The following FAM220A variants were observed in gnomAD, a reference collection of about 807,000 sequenced individuals.
FAM220A encodes the protein family with sequence similarity 220 member A.
For missense variants in FAM220A, 392 were observed against 321.6 expected (o/e 1.22, Z -1.68); for synonymous variants, 141 against 130.7 (o/e 1.08, Z -0.54).
In FAM220A at chr7:6,348,899, A is replaced by C. The variant is rs963514637; in HGVS notation, c.-408T>G. On this transcript the variant is annotated 5_prime_UTR_variant, in exon 1 of 2. Coordinates refer to ENST00000313324, the MANE Select transcript of FAM220A (RefSeq NM_001037163.2). ...GGGCGGGCGGGCCGCAGTGGAGCGGAGTCCGCACGTCACGCTCGGAGAAGT... is the reference window on the plus strand; with the variant it reads ...GGGCGGGCGGGCCGCAGTGGAGCGGCGTCCGCACGTCACGCTCGGAGAAGT... The C allele has an allele frequency of 1.4e-4, 53 of 385,818 alleles. No homozygotes were observed. The highest frequency in any genetic ancestry group is 2.1e-4 in the Non-Finnish European group (45 of 219,322). 23.9% of individuals were successfully genotyped at this position (385,818 alleles called of 1,614,324 possible). A position where few individuals can be genotyped will look rare whatever the true frequency, so the allele number is the denominator to read the frequency against.
chr7:6,334,512 G>C (rs1781707463), intron 1 of FAM220A, among the ~76,000 whole-genome samples: 2 of 152,084 alleles, frequency 1.3e-5, no homozygotes, highest in Non-Finnish European at 2.9e-5. Context: ...CTGTCACCCA[G>C]ACTGAAGTGC....
At chr7:6,339,162 TG>T (rs1781802218) in intron 1 of FAM220A, among the ~76,000 whole-genome samples, 1 of 152,134 alleles carries the variant, frequency 6.6e-6, no homozygotes, top group Admixed American at 6.6e-5. Context: ...ACTCGCCACT[TG>T]GCACGTCTAA....
rs568322706 is a variant in FAM220A at position 6,337,729 on chromosome 7, T to C, written c.-81-6494A>G. On this transcript the variant is annotated intron_variant, in intron 1 of 1. Coordinates refer to ENST00000313324, the MANE Select transcript of FAM220A (RefSeq NM_001037163.2). Reference sequence around the variant, plus strand: ...TGATAGAATAAATTGTCCCCTGAAGTTCTTCTAGTACTTTAGTATTCAGTA... The same window carrying C: ...TGATAGAATAAATTGTCCCCTGAAGCTCTTCTAGTACTTTAGTATTCAGTA... Among the ~76,000 whole-genome samples the C allele has an allele frequency of 1.3e-3, 192 of 151,860 alleles. 7 individuals are homozygous for C. The highest frequency in any genetic ancestry group is 4.4e-3 in the African/African-American group (182 of 41,198).
intron 1 of FAM220A, among the ~76,000 whole-genome samples, chr7:6,345,851 C>T (rs752340913): frequency 1.1e-4 from 17 of 151,854 alleles, no homozygotes; most frequent in Non-Finnish European, 2.1e-4. Flanking sequence ...TCACTGCAAC[C>T]TCCATCTCCT....
At chr7:6,342,872 A>C (rs1357850360) in intron 1 of FAM220A, among the ~76,000 whole-genome samples, 2 of 151,636 alleles carry the variant, frequency 1.3e-5, no homozygotes, top group Non-Finnish European at 2.9e-5. Flanking sequence ...CCCCATCTAG[A>C]AACAAAATGA....
At chr7:6,346,459 C>G (rs1361767595) in intron 1 of FAM220A, among the ~76,000 whole-genome samples, 1 of 152,076 alleles carries the variant, frequency 6.6e-6, no homozygotes, top group Non-Finnish European at 1.5e-5. Flanking sequence ...GTCTGCCTCC[C>G]AGGCTCAAGC....
chr7:6,331,511 C>T (rs1040510949), intron 1 of FAM220A, among the ~76,000 whole-genome samples: 3 of 151,820 alleles, frequency 2.0e-5, no homozygotes, highest in East Asian at 2.0e-4. Context: ...CTGTCGCCCA[C>T]GCTGGGCGAC....
In FAM220A at chr7:6,329,626, T is replaced by A. The variant is rs1013595290; in HGVS notation, c.*749A>T. On this transcript the variant is annotated 3_prime_UTR_variant, in exon 2 of 2. Coordinates refer to ENST00000313324, the MANE Select transcript of FAM220A (RefSeq NM_001037163.2). ...AGTTATCAACAGACGACAACAGGAGTCACCTTGAAAAATTTTAGGGTACAG... is the reference window on the plus strand; with the variant it reads ...AGTTATCAACAGACGACAACAGGAGACACCTTGAAAAATTTTAGGGTACAG... 2 of 161,250 alleles carry A rather than the reference T, an allele frequency of 1.2e-5. No individual in the cohort carries two copies. The highest frequency in any genetic ancestry group is 4.8e-5 in the African/African-American group (2 of 41,392). 10.0% of individuals were successfully genotyped at this position (161,250 alleles called of 1,614,324 possible). A position where few individuals can be genotyped will look rare whatever the true frequency, so the allele number is the denominator to read the frequency against.
chr7:6,336,189 T>A (rs948849898), intron 1 of FAM220A, among the ~76,000 whole-genome samples: 4 of 122,754 alleles, frequency 3.3e-5, no homozygotes, highest in East Asian at 2.3e-4. Flanking sequence ...AAAAAAAAAA[T>A]TAAAAGATTA....
rs114340847 is a variant in FAM220A, at chr7:6,332,507, G to A, written c.-81-1272C>T. Among the ~76,000 whole-genome samples the A allele has an allele frequency of 2.0e-3, 300 of 152,200 alleles. 1 individual carries two copies. Among genetic ancestry groups the A allele is most frequent in the African/African-American group, 6.7e-3 (280 of 41,532 alleles). ...GTTAAATGTAATTTTGACACATGAT[G>A]TGTTCACTTAAAAAACACCACCACC... is the stretch of plus-strand genomic sequence containing the variant. On this transcript the variant is annotated intron_variant, in intron 1 of 1. Transcript: ENST00000313324.
Position 6,330,310 on chromosome 7 carries a change from A to T in FAM220A, c.*65T>A, listed in dbSNP as rs1781602356. 6.8e-7 allele frequency: 1 copy of T among 1,468,192 alleles called. No homozygotes were observed. The highest frequency in any genetic ancestry group is 1.3e-5 in the South Asian group (1 of 75,826). 90.9% of individuals were successfully genotyped at this position (1,468,192 alleles called of 1,614,324 possible). On this transcript the variant is annotated 3_prime_UTR_variant, in exon 2 of 2. Coordinates refer to ENST00000313324, the MANE Select transcript of FAM220A (RefSeq NM_001037163.2). ...GCTGCACAGTTTGCATCCAGACTTA[A>T]TGCGAAAGAAATCATTCTAAGACAA...
Position 6,330,410 on chromosome 7 carries a change from G to A in FAM220A, c.745C>T (p.Pro249Ser), listed in dbSNP as rs1781605285. ...QITLGLLALQ[P>S]FELANTLCHS ...CATAATGTATTTGCTAATTCAAAAG[G>A]TTGCAGAGCCAGTAACCCCAGTGTT... Residue 249 changes from proline (P) to serine (S), a missense_variant, in exon 2 of 2, where the codon CCT becomes TCT. Coordinates refer to ENST00000313324, the MANE Select transcript of FAM220A (RefSeq NM_001037163.2). 4.3e-6 allele frequency: 7 copies of A among 1,613,828 alleles called. No homozygotes were observed. Among genetic ancestry groups the A allele is most frequent in the Non-Finnish European group, 5.9e-6 (7 of 1,179,950 alleles).
chr7:6,345,446 C>T (rs920113101), intron 1 of FAM220A, among the ~76,000 whole-genome samples: 1 of 152,018 alleles, frequency 6.6e-6, no homozygotes, highest in Admixed American at 6.6e-5. Context: ...GAAGTTGCCT[C>T]TGATTGCTTG....
chr7:6,341,416 T>A (rs1364637097), intron 1 of FAM220A, among the ~76,000 whole-genome samples: 2 of 151,402 alleles, frequency 1.3e-5, no homozygotes, highest in Non-Finnish European at 2.9e-5. Flanking sequence ...TACTCCAGCC[T>A]GGGTGACAGA....
chr7:6,338,932 C>T (rs546853159), intron 1 of FAM220A, among the ~76,000 whole-genome samples: 1 of 152,320 alleles, frequency 6.6e-6, no homozygotes, highest in South Asian at 2.1e-4. Context: ...AGAGCTCACA[C>T]ACGCTCCCAG....
intron 1 of FAM220A, among the ~76,000 whole-genome samples, chr7:6,334,735 G>T (rs1781711871): frequency 6.6e-6 from 1 of 152,050 alleles, no homozygotes; most frequent in South Asian, 2.1e-4. Context: ...CAAAGTGCTA[G>T]GATTACAGGC....
intron 1 of FAM220A, among the ~76,000 whole-genome samples, chr7:6,334,274 G>A (rs773403945): frequency 1.7e-4 from 26 of 150,712 alleles, no homozygotes; most frequent in South Asian, 6.4e-4. Flanking sequence ...AGTGGCTCAC[G>A]CCTGTAATCC....
At position 6,337,199 on chromosome 7, in the gene FAM220A, G is replaced by C. The variant is rs111626008; in HGVS notation, c.-81-5964C>G. On this transcript the variant is annotated intron_variant, in intron 1 of 1. Transcript: ENST00000313324. ...CGACTCTCCTGTTTCAGCCTCCCAA[G>C]TAGCTGAGACTACAGGTGTATGCCA... Among the ~76,000 whole-genome samples, 4 of 152,096 alleles carry C rather than the reference G, an allele frequency of 2.6e-5. 1 individual carries two copies. The highest frequency in any genetic ancestry group is 2.1e-4 in the South Asian group (1 of 4,818).
At chr7:6,334,952 G>A (rs911317212) in intron 1 of FAM220A, among the ~76,000 whole-genome samples, 2 of 150,712 alleles carry the variant, frequency 1.3e-5, no homozygotes, top group African/African-American at 4.9e-5. Flanking sequence ...ATTTTTAATA[G>A]AGACGGGTTT....
Sources: allele counts gnomAD v4.1 joint callset (sites outside exome capture counted in the v4.1 genomes callset), GRCh38; gene constraint gnomAD v4.1.1; transcripts MANE v1.5; gene names NCBI Gene and HGNC (gene_info 2026-07-23, HGNC 2026-07-21).